The following ALK variants were observed in gnomAD, a reference collection of about 807,000 sequenced individuals.
ALK encodes ALK receptor tyrosine kinase.
A neutral mutation model predicts 163.1 loss-of-function variants in ALK; 74 were observed. That is an observed-to-expected ratio of 0.45 (90% CI 0.38 to 0.55). ALK has a LOEUF of 0.55. Among genes scored for constraint, ALK ranks in the 20% least tolerant of loss-of-function variants. The probability of loss-of-function intolerance (pLI) is 0.00; values close to 1 mark genes in which losing one functional copy is unlikely to be tolerated. For synonymous variants in ALK, 960 were observed against 843.2 expected, an observed-to-expected ratio of 1.14 and a Z score of -2.40; for missense variants, 2,063 against 2,105.3, an observed-to-expected ratio of 0.98 and a Z score of 0.39.
intron 4 of ALK, among the ~76,000 whole-genome samples, chr2:29,429,761 C>A (rs183273956): frequency 6.6e-6 from 1 of 151,876 alleles, no homozygotes; most frequent in African/African-American, 2.4e-5. Flanking sequence ...TCGAGGGACC[C>A]CAAATAGCCA....
At chr2:29,374,769 T>G (rs1209932543) in intron 5 of ALK, among the ~76,000 whole-genome samples, 5 of 152,218 alleles carry the variant, frequency 3.3e-5, no homozygotes, top group Admixed American at 3.3e-4. Context: ...GCTTATCTTT[T>G]AAATGGTTCA....
chr2:29,578,173 T>C (rs1374402261), intron 3 of ALK, among the ~76,000 whole-genome samples: 2 of 152,086 alleles, frequency 1.3e-5, no homozygotes, highest in Non-Finnish European at 2.9e-5. Context: ...CGAGATCTGA[T>C]GGTTTTAAAA....
intron 4 of ALK, among the ~76,000 whole-genome samples, chr2:29,501,045 C>T (rs763488245): frequency 3.7e-4 from 56 of 152,254 alleles, no homozygotes; most frequent in Non-Finnish European, 5.6e-4. Context: ...CCTCTTCTTC[C>T]CCTTGCTTTT....
intron 5 of ALK, among the ~76,000 whole-genome samples, chr2:29,339,549 A>C (rs1667729842): frequency 6.6e-6 from 1 of 152,222 alleles, no homozygotes; most frequent in African/African-American, 2.4e-5. Flanking sequence ...AAACTGAAAA[A>C]AATCTAAGTC....
At chr2:29,374,882 C>T (rs1437386758) in intron 5 of ALK, among the ~76,000 whole-genome samples, 1 of 152,140 alleles carries the variant, frequency 6.6e-6, no homozygotes, top group East Asian at 1.9e-4. Context: ...GGCACTAGAA[C>T]TAAGTGAGGA....
At position 29,748,752 on chromosome 2, in the gene ALK, CT is replaced by C. The variant is rs992678958; in HGVS notation, c.668-31056del. ...TACTTTAAGAGATACTAACATATCA[CT>C]TTTTTTTTTTGAATCACAGTCTCAC... On this transcript the variant is annotated intron_variant, in intron 1 of 28. Transcript: ENST00000389048. Among the ~76,000 whole-genome samples, 102 of 147,424 alleles carry C rather than the reference CT, an allele frequency of 6.9e-4. 1 individual carries two copies. Among genetic ancestry groups the C allele is most frequent in the South Asian group, 1.5e-3 (7 of 4,682 alleles).
At chr2:29,502,668 A>T (rs961970497) in intron 4 of ALK, among the ~76,000 whole-genome samples, 11 of 151,802 alleles carry the variant, frequency 7.2e-5, no homozygotes, top group African/African-American at 2.7e-4. Flanking sequence ...TCTTATTGTG[A>T]TTAATGAGAT....
Position 29,851,055 on chromosome 2 carries a change from C to T in ALK, c.667+68938G>A, listed in dbSNP as rs141975537. 1.9e-4 allele frequency among the ~76,000 whole-genome samples: 29 copies of T among 152,354 alleles called. No homozygotes were observed. The East Asian group carries it at 5.6e-3, about 29-fold the overall frequency. Reference sequence around the variant, plus strand: ...TCATAGTGCCTAGCACAGTGCCAAACACATAATTTGTGTTTAATATATATA... The same window carrying T: ...TCATAGTGCCTAGCACAGTGCCAAATACATAATTTGTGTTTAATATATATA... On this transcript the variant is annotated intron_variant, in intron 1 of 28. Transcript: ENST00000389048.
intron 1 of ALK, among the ~76,000 whole-genome samples, chr2:29,853,318 C>G (rs953248151): frequency 6.6e-6 from 1 of 152,158 alleles, no homozygotes; most frequent in African/African-American, 2.4e-5. Context: ...CTCCCCACAC[C>G]AGTCTTACCC....
intron 1 of ALK, among the ~76,000 whole-genome samples, chr2:29,773,199 A>G (rs1458989067): frequency 6.6e-6 from 1 of 151,946 alleles, no homozygotes; most frequent in African/African-American, 2.4e-5. Context: ...TGTACACTAC[A>G]CATCTTTTCT....
chr2:29,464,312 T>C (rs941811435), intron 4 of ALK, among the ~76,000 whole-genome samples: 1 of 152,182 alleles, frequency 6.6e-6, no homozygotes, highest in Non-Finnish European at 1.5e-5. Context: ...TACTTACTAA[T>C]ATAAAGCAGG....
intron 3 of ALK, among the ~76,000 whole-genome samples, chr2:29,686,738 C>A (rs1410676326): frequency 6.6e-6 from 1 of 152,156 alleles, no homozygotes; most frequent in African/African-American, 2.4e-5. Context: ...ATCTATAATC[C>A]ATCCCAACAC....
intron 3 of ALK, among the ~76,000 whole-genome samples, chr2:29,643,616 G>C (rs1483040260): frequency 1.3e-5 from 2 of 152,176 alleles, no homozygotes; most frequent in African/African-American, 4.8e-5. Flanking sequence ...CGGGTGAACA[G>C]TGGGGAGGCC....
intron 11 of ALK, among the ~76,000 whole-genome samples, chr2:29,263,535 G>A (rs1451499856): frequency 3.9e-5 from 6 of 152,154 alleles, no homozygotes; most frequent in East Asian, 1.9e-4. Flanking sequence ...GGACTGAGAC[G>A]CATATGAGAA....
Position 29,556,573 on chromosome 2 carries a change from A to C in ALK, c.953-24457T>G, listed in dbSNP as rs567407088. Among the ~76,000 whole-genome samples, 46 of 152,330 alleles carry C rather than the reference A, an allele frequency of 3.0e-4. 1 individual carries two copies. Among genetic ancestry groups the C allele is most frequent in the African/African-American group, 9.9e-4 (41 of 41,578 alleles). The stretch of plus-strand genomic sequence containing the variant: ...GAATGGTGGCAGGTAAGGCAGGGCA[A>C]ATAGAAAGGTGGCCACTGTGATTTC... On this transcript the variant is annotated intron_variant, in intron 3 of 28. Coordinates refer to ENST00000389048, the MANE Select transcript of ALK (RefSeq NM_004304.5).
In ALK at chr2:29,222,425, AG is replaced by A; in HGVS notation, c.3451-18del. ...AGGCAGCGTCTGGGCAGAGAAGGGG[AG>A]GGTGGGGAGGAGGAGGAGGCTGTGA... is the stretch of plus-strand genomic sequence containing the variant. On this transcript the variant is annotated intron_variant, in intron 21 of 28. Coordinates refer to ENST00000389048, the MANE Select transcript of ALK (RefSeq NM_004304.5). 2.5e-6 allele frequency: 4 copies of A among 1,591,064 alleles called. No homozygotes were observed. Among genetic ancestry groups the A allele is most frequent in the Non-Finnish European group, 3.4e-6 (4 of 1,160,330 alleles).
At chr2:29,642,594 T>C (rs1676736697) in intron 3 of ALK, among the ~76,000 whole-genome samples, 3 of 152,244 alleles carry the variant, frequency 2.0e-5, no homozygotes, top group Middle Eastern at 6.8e-3. Context: ...CTCAGGGGCA[T>C]TAAATATCCT....
intron 4 of ALK, among the ~76,000 whole-genome samples, chr2:29,514,627 C>T (rs956411317): frequency 5.3e-5 from 8 of 152,150 alleles, no homozygotes; most frequent in Admixed American, 5.2e-4. Context: ...AACTCAACAT[C>T]TCAAAACTGA....
chr2:29,516,606 G>A (rs926969557), intron 4 of ALK, among the ~76,000 whole-genome samples: 3 of 152,188 alleles, frequency 2.0e-5, no homozygotes, highest in African/African-American at 4.8e-5. Context: ...TCTTCTGGAG[G>A]GGTCACATCA....
Sources: gnomAD v4.1 joint callset for allele counts (sites outside exome capture counted in the v4.1 genomes callset) on GRCh38, gnomAD v4.1.1 for gene constraint, MANE v1.5 for transcripts, NCBI Gene and HGNC (gene_info 2026-07-23, HGNC 2026-07-21) for gene names.